Variants in TTLL7 observed in about 807,000 individuals in gnomAD.
TTLL7 encodes the protein tubulin polyglutamylase TTLL7.
In TTLL7, 53 loss-of-function variants were observed where a neutral mutation model predicts 120.2. The ratio of observed to expected loss-of-function variants is 0.44; its 90% CI spans 0.35 to 0.55. The LOEUF (loss-of-function observed/expected upper bound fraction) is 0.55. TTLL7 is among the 20% of genes least tolerant of loss of function. The probability of loss-of-function intolerance (pLI) is 0.00; values close to 1 mark genes in which losing one functional copy is unlikely to be tolerated. For synonymous variants in TTLL7, 353 were observed against 351.7 expected, an observed-to-expected ratio of 1.00 and a Z score of -0.04; for missense variants, 803 against 1,054.7, an observed-to-expected ratio of 0.76 and a Z score of 3.31.
chr1:83,934,644 G>A (rs1306778552), intron 8 of TTLL7, among the ~76,000 whole-genome samples: 1 of 152,108 alleles, frequency 6.6e-6, no homozygotes, highest in Non-Finnish European at 1.5e-5. Context: ...TAAGCTGTAG[G>A]AGAAAAGCTG....
intron 1 of TTLL7, among the ~76,000 whole-genome samples, chr1:83,971,844 A>C (rs752459417): frequency 2.0e-5 from 3 of 152,112 alleles, no homozygotes; most frequent in Non-Finnish European, 2.9e-5. Context: ...AGAATGTAAG[A>C]CAAAGAAGAA....
chr1:83,932,895 C>T (rs1412812209), intron 9 of TTLL7, among the ~76,000 whole-genome samples: 2 of 152,078 alleles, frequency 1.3e-5, no homozygotes, highest in African/African-American at 2.4e-5. Flanking sequence ...TTCTGGACCA[C>T]GTGACTTCTA....
At chr1:83,880,372 G>C (rs1557527029) in intron 20 of TTLL7, 1 of 151,930 alleles carries the variant, frequency 6.6e-6, no homozygotes, top group African/African-American at 2.4e-5. Context: ...TACAATGACA[G>C]AATCTAAGAC....
chr1:83,870,979 AT>A lies in TTLL7; in HGVS notation c.2544-898del, dbSNP rs1161767453. ...AGCCAAATGTATTTCAAAATATGTG[AT>A]TTTTTTTTCAGATTTTAGAAAGACA... On this transcript the variant is annotated intron_variant, in intron 20 of 20. Coordinates refer to ENST00000260505, the MANE Select transcript of TTLL7 (RefSeq NM_024686.6). Among the ~76,000 whole-genome samples, 17 of 149,674 alleles carry A rather than the reference AT, an allele frequency of 1.1e-4. No individual in the cohort carries two copies. In the East Asian group the frequency reaches 1.6e-3, roughly 14 times the overall value.
chr1:83,926,113 C>CAACAAA (rs1659088088), intron 10 of TTLL7, among the ~76,000 whole-genome samples: 1 of 127,114 alleles, frequency 7.9e-6, no homozygotes, highest in Non-Finnish European at 1.6e-5. Flanking sequence ...GACTCTGTCT[C>CAACAAA]AAAAAAAAAA....
At chr1:83,996,903 T>C (rs1213054552) in intron 1 of TTLL7, among the ~76,000 whole-genome samples, 2 of 152,102 alleles carry the variant, frequency 1.3e-5, no homozygotes, top group African/African-American at 2.4e-5. Context: ...ATTGTATTTT[T>C]GCTTATTCAT....
At chr1:83,991,136 A>C (rs1557822211) in intron 1 of TTLL7, among the ~76,000 whole-genome samples, 1 of 152,218 alleles carries the variant, frequency 6.6e-6, no homozygotes, top group Non-Finnish European at 1.5e-5. Context: ...GAGGTATCTA[A>C]AGTGGTCAAA....
chr1:83,893,075 AG>A (rs1282598351), intron 18 of TTLL7, among the ~76,000 whole-genome samples: 1 of 151,862 alleles, frequency 6.6e-6, no homozygotes, highest in Non-Finnish European at 1.5e-5. Context: ...ATGGGGAGCC[AG>A]GGGGATGGAA....
intron 9 of TTLL7, among the ~76,000 whole-genome samples, chr1:83,932,179 G>A (rs1659652656): frequency 6.6e-6 from 1 of 152,048 alleles, no homozygotes; most frequent in Non-Finnish European, 1.5e-5. Context: ...CTTCTAAAAA[G>A]GTAACTAAGA....
intron 9 of TTLL7, among the ~76,000 whole-genome samples, chr1:83,931,045 AT>A (rs1659559095): frequency 6.6e-6 from 1 of 151,384 alleles, no homozygotes; most frequent in African/African-American, 2.4e-5. Flanking sequence ...AAGAAAAAAA[AT>A]AAAAGAAAAA....
chr1:83,918,997 G>C (rs1332165287), intron 13 of TTLL7, among the ~76,000 whole-genome samples: 2 of 152,028 alleles, frequency 1.3e-5, no homozygotes, highest in Non-Finnish European at 2.9e-5. Flanking sequence ...ACTGTGTAGG[G>C]AGAAAGAGAT....
chr1:83,888,190 A>G (rs1001373749), intron 19 of TTLL7, among the ~76,000 whole-genome samples: 39 of 152,134 alleles, frequency 2.6e-4, no homozygotes, highest in African/African-American at 8.9e-4. Flanking sequence ...ATTGCTCTCC[A>G]TGGTAGAGAG....
chr1:83,928,615 CT>C (rs1659332949), intron 10 of TTLL7, among the ~76,000 whole-genome samples: 1 of 152,198 alleles, frequency 6.6e-6, no homozygotes, highest in East Asian at 1.9e-4. Flanking sequence ...ACAACTGCCT[CT>C]CTTTTTTATT....
chr1:83,976,033 C>CTCTG (rs1241354482), intron 1 of TTLL7, among the ~76,000 whole-genome samples: 43 of 147,932 alleles, frequency 2.9e-4, no homozygotes, highest in South Asian at 6.5e-4. Flanking sequence ...TTGTCTCTCT[C>CTCTG]TGTGTGTGTG....
At position 83,948,715 on chromosome 1, in the gene TTLL7, A is replaced by AT; in HGVS notation, c.280-21dup. ...GATCCTCTGGAAAATAAAAAGGTAA[A>AT]TATTAATATTCTCAGCGAATTAATT... is the stretch of plus-strand genomic sequence containing the variant. On this transcript the variant is annotated intron_variant, in intron 4 of 20. Coordinates refer to ENST00000260505, the MANE Select transcript of TTLL7 (RefSeq NM_024686.6). The AT allele has an allele frequency of 1.3e-6, 2 of 1,535,272 alleles. No homozygotes were observed. The highest frequency in any genetic ancestry group is 1.8e-6 in the Non-Finnish European group (2 of 1,110,452).
At chr1:83,970,337 G>A (rs77772960) in intron 1 of TTLL7, among the ~76,000 whole-genome samples, 7,126 of 152,126 alleles carry the variant, frequency 0.047, 229 homozygotes, top group Middle Eastern at 0.11. Flanking sequence ...AAAATAGCTA[G>A]CAGTGAAGTT....
rs1462635526 is a variant in TTLL7 at position 83,865,322 on chromosome 1, T to C, written c.*4640A>G. On this transcript the variant is annotated 3_prime_UTR_variant, in exon 21 of 21. Coordinates refer to ENST00000260505, the MANE Select transcript of TTLL7 (RefSeq NM_024686.6). Reference sequence around the variant, plus strand: ...GATGTTGTAGCATGTACAGTAGTTATTGTATGAACTGAATAGCTCAGGACC... The same window carrying C: ...GATGTTGTAGCATGTACAGTAGTTACTGTATGAACTGAATAGCTCAGGACC... 1.3e-5 allele frequency: 2 copies of C among 152,028 alleles called. No individual in the cohort carries two copies. The highest frequency in any genetic ancestry group is 6.6e-5 in the Admixed American group (1 of 15,262). 9.4% of individuals were successfully genotyped at this position (152,028 alleles called of 1,614,324 possible). A position where few individuals can be genotyped will look rare whatever the true frequency, so the allele number is the denominator to read the frequency against.
chr1:83,884,380 T>C (rs1286075950), intron 19 of TTLL7, among the ~76,000 whole-genome samples: 4 of 150,848 alleles, frequency 2.7e-5, no homozygotes, highest in East Asian at 2.0e-4. Context: ...TTCAACCTTC[T>C]GTGGATATTT....
intron 3 of TTLL7, among the ~76,000 whole-genome samples, chr1:83,951,064 C>T (rs893416931): frequency 3.5e-4 from 53 of 151,954 alleles, no homozygotes; most frequent in African/African-American, 1.2e-3. Flanking sequence ...TTAGAAGGAA[C>T]GTAGGCTGGG....
Sources: allele counts gnomAD v4.1 joint callset (sites outside exome capture counted in the v4.1 genomes callset), GRCh38; gene constraint gnomAD v4.1.1; transcripts MANE v1.5; gene names NCBI Gene and HGNC (gene_info 2026-07-23, HGNC 2026-07-21).